The following ERICH1 variants were observed in gnomAD, a reference collection of about 807,000 sequenced individuals.
The protein encoded by ERICH1 is glutamate rich 1.
A neutral mutation model predicts 39.6 loss-of-function variants in ERICH1; 56 were observed. That is an observed-to-expected ratio of 1.41 (90% CI 1.14 to 1.77). ERICH1 has a LOEUF of 1.77. Ranked by LOEUF, ERICH1 falls within the 40% of genes most tolerant of loss-of-function variation. The pLI, the probability that ERICH1 is intolerant of heterozygous loss-of-function variation, is 0.00. For missense variants in ERICH1, 826 were observed against 575.4 expected, an observed-to-expected ratio of 1.44 and a Z score of -4.45; for synonymous variants, 313 against 223.6, an observed-to-expected ratio of 1.40 and a Z score of -3.57.
At chr8:686,506 C>G (rs1346346219) in intron 3 of ERICH1, 1 of 152,056 alleles carries the variant, frequency 6.6e-6, no homozygotes, top group African/African-American at 2.4e-5. Context: ...TGAGTTATTT[C>G]AAAGTTCATG....
chr8:655,529 T>C (rs976745018), intron 3 of ERICH1, among the ~76,000 whole-genome samples: 61 of 152,328 alleles, frequency 4.0e-4, no homozygotes, highest in African/African-American at 1.5e-3. Flanking sequence ...TTCTTTGCTG[T>C]GGTCAGTTGC....
At chr8:623,549 A>C (rs545188559) in intron 3 of ERICH1, among the ~76,000 whole-genome samples, 5 of 152,372 alleles carry the variant, frequency 3.3e-5, no homozygotes, top group Non-Finnish European at 7.3e-5. Flanking sequence ...TTTAGGTTAT[A>C]CAATAGGATG....
At position 650,765 on chromosome 8, in the gene ERICH1, C is replaced by G. The variant is rs112613629; in HGVS notation, c.976+17833G>C. Among the ~76,000 whole-genome samples, 1,259 of 152,326 alleles carry G rather than the reference C, an allele frequency of 8.3e-3. 17 individuals are homozygous for G. The highest frequency in any genetic ancestry group is 0.028 in the African/African-American group (1,179 of 41,568). ...AAAGGGTCTCTTCTGTTGTGGGCTC[C>G]GAGGCCTGCAGAGCCGAGACCTGAC... On this transcript the variant is annotated intron_variant, in intron 3 of 3. Coordinates refer to the ERICH1 transcript ENST00000522706.
chr8:641,081 C>A (rs1023200164), intron 3 of ERICH1: 1 of 152,192 alleles, frequency 6.6e-6, no homozygotes, highest in Non-Finnish European at 1.5e-5. Flanking sequence ...CAGAGCCACT[C>A]CCAGCTTCTC....
At chr8:694,145 C>T (rs1213172130) in intron 2 of ERICH1, among the ~76,000 whole-genome samples, 2 of 152,194 alleles carry the variant, frequency 1.3e-5, no homozygotes, top group Non-Finnish European at 2.9e-5. Flanking sequence ...CAGAATGTAG[C>T]TGTAAAAACC....
intron 3 of ERICH1, among the ~76,000 whole-genome samples, chr8:630,198 C>A (rs1429683432): frequency 3.6e-5 from 5 of 138,506 alleles, no homozygotes; most frequent in Admixed American, 3.5e-4. Flanking sequence ...CCCGTGACCA[C>A]CCAGAGCTGA....
At position 634,034 on chromosome 8, in the gene ERICH1, G is replaced by A. The variant is rs533061758; in HGVS notation, c.977-18750C>T. Among the ~76,000 whole-genome samples, 8 of 152,184 alleles carry A rather than the reference G, an allele frequency of 5.3e-5. No individual in the cohort carries two copies. The South Asian group carries it at 1.0e-3, about 20-fold the overall frequency. On this transcript the variant is annotated intron_variant, in intron 3 of 3. Transcript: ENST00000522706. ...CAGAAAAAGCAGACAGCGGGACTGC[G>A]TGGAAACAAAAACATTTCGTCCATC... is the stretch of plus-strand genomic sequence containing the variant.
chr8:673,958 C>T lies in ERICH1; in HGVS notation c.394G>A (p.Glu132Lys). 1 of 1,606,324 alleles carries T rather than the reference C, an allele frequency of 6.2e-7. No homozygotes were observed. Among genetic ancestry groups the T allele is most frequent in the Non-Finnish European group, 8.5e-7 (1 of 1,178,682 alleles). Reference sequence around the variant, plus strand: ...TGCTGTTTCTCTAATTCTGCTTGTTCTATAAGAACATTATTGGGATTTTTA... The same window carrying T: ...TGCTGTTTCTCTAATTCTGCTTGTTTTATAAGAACATTATTGGGATTTTTA... ...KFKNPNNVLI[E>K]QAELEKQQSL... Residue 132 changes from glutamate to lysine, a missense_variant, in exon 4 of 6, where the codon GAA (glutamate) becomes AAA (lysine). By Grantham distance (56) the Glu-to-Lys change is moderately conservative (BLOSUM62 1). Transcript: ENST00000262109.
At chr8:618,349 G>A (rs1029081525) in intron 3 of ERICH1, among the ~76,000 whole-genome samples, 5 of 146,242 alleles carry the variant, frequency 3.4e-5, no homozygotes, top group African/African-American at 1.3e-4. Flanking sequence ...TGCCTTTTGA[G>A]TGCTCGTACT....
chr8:678,957 C>T (rs1563243718), intron 3 of ERICH1, among the ~76,000 whole-genome samples: 2 of 152,096 alleles, frequency 1.3e-5, no homozygotes, highest in African/African-American at 2.4e-5. Flanking sequence ...ATGATTCTGG[C>T]CCCTCAAAGC....
At chr8:722,864 C>A (rs933892587) in intron 1 of ERICH1, among the ~76,000 whole-genome samples, 17 of 152,232 alleles carry the variant, frequency 1.1e-4, no homozygotes, top group African/African-American at 4.1e-4. Flanking sequence ...GATAGGACCA[C>A]ATGCTTACAG....
chr8:643,378 G>A (rs555222072), intron 3 of ERICH1, among the ~76,000 whole-genome samples: 190 of 152,312 alleles, frequency 1.2e-3, no homozygotes, highest in South Asian at 2.1e-3. Context: ...GACCCCCTGG[G>A]TGCCTCAGAG....
chr8:671,549 T>C (rs1480852621), intron 4 of ERICH1, among the ~76,000 whole-genome samples: 85 of 96,106 alleles, frequency 8.8e-4, no homozygotes, highest in South Asian at 1.2e-3. Flanking sequence ...CTGCCGGCCC[T>C]GGCTGTAATG....
chr8:683,243 G>T (rs1439450687), intron 3 of ERICH1, among the ~76,000 whole-genome samples: 1 of 152,148 alleles, frequency 6.6e-6, no homozygotes, highest in South Asian at 2.1e-4. Flanking sequence ...CCATGTAGAA[G>T]ACCTGCCACA....
chr8:724,270 C>T (rs1818033729), intron 1 of ERICH1, among the ~76,000 whole-genome samples: 1 of 152,168 alleles, frequency 6.6e-6, no homozygotes, highest in African/African-American at 2.4e-5. Flanking sequence ...AGGAGGATTA[C>T]TGGAGAACCA....
Position 668,798 on chromosome 8 carries a change from T to A in ERICH1, c.1064-6A>T. 6.3e-7 allele frequency: 1 copy of A among 1,583,278 alleles called. No homozygotes were observed. The highest frequency in any genetic ancestry group is 8.6e-7 in the Non-Finnish European group (1 of 1,166,342). On this transcript the variant is annotated splice_polypyrimidine_tract_variant and splice_region_variant and intron_variant, in intron 4 of 5. Coordinates refer to ENST00000262109, the MANE Select transcript of ERICH1 (RefSeq NM_207332.3). ...AGCTGCATCTCTGGAGACACCTACA[T>A]AAAGTCAGTTTTGCTTGGAAATACA...
intron 1 of ERICH1, among the ~76,000 whole-genome samples, chr8:716,783 T>C (rs543737213): frequency 2.0e-4 from 31 of 152,166 alleles, no homozygotes; most frequent in African/African-American, 5.3e-4. Context: ...GGCAGGGACT[T>C]GGCCTGACTG....
At chr8:699,724 GACTC>G (rs1450633859) in intron 2 of ERICH1, among the ~76,000 whole-genome samples, 1 of 143,910 alleles carries the variant, frequency 6.9e-6, no homozygotes, top group Non-Finnish European at 1.5e-5. Flanking sequence ...CACGTGCACA[GACTC>G]ACAGGCGCAC....
intron 3 of ERICH1, among the ~76,000 whole-genome samples, chr8:622,873 G>T (rs574366499): frequency 8.6e-5 from 13 of 151,902 alleles, no homozygotes; most frequent in Non-Finnish European, 1.6e-4. Context: ...TGGAAGGATT[G>T]CTTGAGCCCA....
Sources: allele counts gnomAD v4.1 joint callset (sites outside exome capture counted in the v4.1 genomes callset), GRCh38; gene constraint gnomAD v4.1.1; transcripts MANE v1.5; gene names NCBI Gene and HGNC (gene_info 2026-07-23, HGNC 2026-07-21).